The following SPOCK1 variants were observed in gnomAD, a reference collection of about 807,000 sequenced individuals.
The protein encoded by SPOCK1 is testican-1.
A neutral mutation model predicts 55.3 loss-of-function variants in SPOCK1; 23 were observed. That is an observed-to-expected ratio of 0.42 (90% CI 0.30 to 0.59). The LOEUF is 0.59. Ranked by LOEUF, SPOCK1 falls within the 20% of genes least tolerant of loss-of-function variation. SPOCK1 has a pLI of 0.22. For synonymous variants in SPOCK1, 226 were observed against 221.0 expected (o/e 1.02, Z -0.20); for missense variants, 499 against 552.5 (o/e 0.90, Z 0.97).
At chr5:137,081,144 A>T (rs2127013791) in intron 5 of SPOCK1, among the ~76,000 whole-genome samples, 1 of 152,280 alleles carries the variant, frequency 6.6e-6, no homozygotes, top group Non-Finnish European at 1.5e-5. Flanking sequence ...TGCCCTCCTC[A>T]TGCTGTCTGT....
intron 5 of SPOCK1, among the ~76,000 whole-genome samples, chr5:137,084,303 C>A (rs935527742): frequency 6.6e-6 from 1 of 151,922 alleles, no homozygotes; most frequent in Admixed American, 6.6e-5. Context: ...CTAAGGGTAT[C>A]CCTGAGCAGC....
chr5:137,112,084 C>T (rs1028382162), intron 5 of SPOCK1, among the ~76,000 whole-genome samples: 1 of 152,160 alleles, frequency 6.6e-6, no homozygotes, highest in Admixed American at 6.5e-5. Flanking sequence ...CACGACCCCC[C>T]CTTACTGGTT....
At chr5:137,027,761 C>T (rs577291258) in intron 6 of SPOCK1, among the ~76,000 whole-genome samples, 1 of 152,220 alleles carries the variant, frequency 6.6e-6, no homozygotes, top group Admixed American at 6.5e-5. Flanking sequence ...TGTAGTCCAT[C>T]CTCCTGCCCC....
At chr5:137,375,828 G>A (rs573354354) in intron 2 of SPOCK1, among the ~76,000 whole-genome samples, 1 of 152,294 alleles carries the variant, frequency 6.6e-6, no homozygotes, top group East Asian at 1.9e-4. Flanking sequence ...CACAGGCTAT[G>A]CGTGACCTCC....
At chr5:137,304,642 C>A (rs539195084) in intron 2 of SPOCK1, among the ~76,000 whole-genome samples, 144 of 152,292 alleles carry the variant, frequency 9.5e-4, no homozygotes, top group African/African-American at 3.3e-3. Flanking sequence ...CTTCCCCCCA[C>A]TGGGTGAGCA....
At chr5:137,435,438 T>C (rs1490652991) in intron 2 of SPOCK1, among the ~76,000 whole-genome samples, 2 of 149,388 alleles carry the variant, frequency 1.3e-5, no homozygotes, top group African/African-American at 4.9e-5. Flanking sequence ...CAGCATTACT[T>C]AACTTTCAGT....
chr5:137,236,024 G>A (rs889947677), intron 3 of SPOCK1, among the ~76,000 whole-genome samples: 8 of 152,224 alleles, frequency 5.3e-5, no homozygotes, highest in Non-Finnish European at 7.3e-5. Flanking sequence ...ATCTGACTGC[G>A]TCCCTCCCAG....
chr5:137,018,744 CCT>C (rs1241466971), intron 6 of SPOCK1, among the ~76,000 whole-genome samples: 2 of 151,680 alleles, frequency 1.3e-5, no homozygotes, highest in African/African-American at 2.4e-5. Flanking sequence ...TGTAATTATT[CCT>C]CTCTCTTTTT....
intron 2 of SPOCK1, among the ~76,000 whole-genome samples, chr5:137,268,114 A>G (rs1756892560): frequency 6.6e-6 from 1 of 152,188 alleles, no homozygotes; most frequent in African/African-American, 2.4e-5. Flanking sequence ...GATGCAGTTT[A>G]TCTCTGACAC....
At chr5:137,020,299 A>G (rs1751540989) in intron 6 of SPOCK1, among the ~76,000 whole-genome samples, 1 of 151,836 alleles carries the variant, frequency 6.6e-6, no homozygotes, top group Non-Finnish European at 1.5e-5. Context: ...TTCTAGGTAC[A>G]TACTAAGAGA....
At chr5:137,293,963 G>C (rs1357707364) in intron 2 of SPOCK1, among the ~76,000 whole-genome samples, 1 of 152,194 alleles carries the variant, frequency 6.6e-6, no homozygotes, top group African/African-American at 2.4e-5. Context: ...CTTGCAGTGA[G>C]CCGAGATAGC....
At chr5:137,052,095 A>G (rs1335075902) in intron 6 of SPOCK1, among the ~76,000 whole-genome samples, 2 of 152,102 alleles carry the variant, frequency 1.3e-5, no homozygotes, top group Admixed American at 1.3e-4. Flanking sequence ...TTTCCCACTG[A>G]CTGGACTAAA....
chr5:137,268,529 C>T (rs1756900493), intron 2 of SPOCK1, among the ~76,000 whole-genome samples: 1 of 152,160 alleles, frequency 6.6e-6, no homozygotes, highest in South Asian at 2.1e-4. Context: ...TGGAATTGTG[C>T]TGTCAGAAAC....
At chr5:137,172,442 A>G (rs772458615) in intron 3 of SPOCK1, among the ~76,000 whole-genome samples, 10 of 152,096 alleles carry the variant, frequency 6.6e-5, no homozygotes, top group Non-Finnish European at 1.3e-4. Context: ...ATGTAGAAAA[A>G]CCAATTATCC....
At chr5:137,431,621 TAGTG>T (rs1448695682) in intron 2 of SPOCK1, among the ~76,000 whole-genome samples, 3 of 152,102 alleles carry the variant, frequency 2.0e-5, no homozygotes, top group Non-Finnish European at 4.4e-5. Context: ...ATTCTGGAGG[TAGTG>T]AGTGAGTTCT....
Position 137,475,731 on chromosome 5 carries a change from C to T in SPOCK1, c.186+22642G>A, listed in dbSNP as rs148531162. On this transcript the variant is annotated intron_variant, in intron 2 of 10. Transcript: ENST00000394945. ...ATGAGTAGCTGGGACTACAAGCACA[C>T]CATGCTGGCTAATTTTGTTTTTTGT... 4.1e-3 allele frequency among the ~76,000 whole-genome samples: 616 copies of T among 152,088 alleles called. 4 individuals carry two copies. Among genetic ancestry groups the T allele is most frequent in the African/African-American group, 0.014 (581 of 41,466 alleles).
At chr5:137,294,221 GA>G (rs1172448274) in intron 2 of SPOCK1, among the ~76,000 whole-genome samples, 1 of 152,056 alleles carries the variant, frequency 6.6e-6, no homozygotes, top group Non-Finnish European at 1.5e-5. Context: ...CAGCATCTAA[GA>G]AAAAATAATT....
chr5:137,222,220 G>T (rs1047524890), intron 3 of SPOCK1, among the ~76,000 whole-genome samples: 2 of 152,172 alleles, frequency 1.3e-5, no homozygotes, highest in African/African-American at 4.8e-5. Context: ...ACACTAAGAA[G>T]ATCTGTTTAA....
intron 3 of SPOCK1, among the ~76,000 whole-genome samples, chr5:137,146,527 G>C (rs1053855860): frequency 3.3e-5 from 5 of 152,154 alleles, no homozygotes; most frequent in African/African-American, 1.2e-4. Flanking sequence ...GATTCATTAG[G>C]AGTGACTTAA....
Sources: allele counts gnomAD v4.1 joint callset (sites outside exome capture counted in the v4.1 genomes callset), GRCh38; gene constraint gnomAD v4.1.1; transcripts MANE v1.5; gene names NCBI Gene and HGNC (gene_info 2026-07-23, HGNC 2026-07-21).